The following PBX1 variants were observed in gnomAD, a reference collection of about 807,000 sequenced individuals.
PBX1 encodes the protein pre-B-cell leukemia transcription factor 1.
A neutral mutation model predicts 53.4 loss-of-function variants in PBX1; 6 were observed. The ratio of observed to expected loss-of-function variants is 0.11; its 90% CI spans 0.06 to 0.22. The LOEUF is 0.22. Among genes scored for constraint, PBX1 ranks in the 10% least tolerant of loss-of-function variants. The pLI, the probability that PBX1 is intolerant of heterozygous loss-of-function variation, is 1.00. For synonymous variants in PBX1, 204 were observed against 212.3 expected (o/e 0.96, Z 0.34); for missense variants, 251 against 551.4 (o/e 0.46, Z 5.46).
intron 2 of PBX1, among the ~76,000 whole-genome samples, chr1:164,765,818 C>G (rs1260074172): frequency 1.3e-5 from 2 of 152,100 alleles, no homozygotes; most frequent in African/African-American, 4.8e-5. Flanking sequence ...CACTGTGAGT[C>G]AGATACTCTC....
chr1:164,699,267 C>T (rs935216625), intron 2 of PBX1, among the ~76,000 whole-genome samples: 2 of 152,132 alleles, frequency 1.3e-5, no homozygotes, highest in Admixed American at 1.3e-4. Flanking sequence ...AGATTACTAT[C>T]GAAAATGATG....
chr1:164,784,325 C>T (rs527863897), intron 2 of PBX1, among the ~76,000 whole-genome samples: 4 of 152,312 alleles, frequency 2.6e-5, no homozygotes, highest in East Asian at 1.9e-4. Flanking sequence ...CCCAGGCAGC[C>T]GGCACCCATC....
At position 164,847,648 on chromosome 1, in the gene PBX1, T is replaced by C. The variant is rs1376983142; in HGVS notation, c.*972T>C. On this transcript the variant is annotated 3_prime_UTR_variant, in exon 9 of 9. Coordinates refer to ENST00000420696, the MANE Select transcript of PBX1 (RefSeq NM_002585.4). ...ACACGTTCATGCACATGTAGGCACA[T>C]GTACCATCTCACATCTTCACTTTCC... 2 of 1,060,580 alleles carry C rather than the reference T, an allele frequency of 1.9e-6. No homozygotes were observed. Among genetic ancestry groups the C allele is most frequent in the Admixed American group, 1.1e-4 (2 of 18,580 alleles). 65.7% of individuals were successfully genotyped at this position (1,060,580 alleles called of 1,614,324 possible).
intron 2 of PBX1, among the ~76,000 whole-genome samples, chr1:164,643,474 A>G (rs1298249968): frequency 3.9e-5 from 6 of 152,128 alleles, no homozygotes; most frequent in African/African-American, 1.4e-4. Flanking sequence ...TCCACACAAG[A>G]ACCAGATATG....
chr1:164,885,990 G>A (rs1173353124), intron 2 of PBX1, among the ~76,000 whole-genome samples: 3 of 151,496 alleles, frequency 2.0e-5, no homozygotes, highest in African/African-American at 7.3e-5. Flanking sequence ...CTTTACTGCT[G>A]TATCCCCAGT....
intron 2 of PBX1, among the ~76,000 whole-genome samples, chr1:164,573,840 CAT>C (rs1011317092): frequency 3.5e-4 from 53 of 152,328 alleles, no homozygotes; most frequent in African/African-American, 1.2e-3. Context: ...AATAGCTACA[CAT>C]GAGTAGTATC....
At chr1:164,858,718 G>A (rs1672030254) in intron 2 of PBX1, among the ~76,000 whole-genome samples, 1 of 152,016 alleles carries the variant, frequency 6.6e-6, no homozygotes, top group Admixed American at 6.6e-5. Flanking sequence ...ACACTGGAAG[G>A]GATATTCAGG....
intron 2 of PBX1, among the ~76,000 whole-genome samples, chr1:164,754,487 G>A (rs749380241): frequency 2.6e-5 from 4 of 152,174 alleles, no homozygotes; most frequent in Admixed American, 6.5e-5. Flanking sequence ...ACTGCTTAGC[G>A]GGAGAAAGAG....
At chr1:164,576,476 G>GC (rs1446763419) in intron 2 of PBX1, among the ~76,000 whole-genome samples, 1 of 152,162 alleles carries the variant, frequency 6.6e-6, no homozygotes, top group Non-Finnish European at 1.5e-5. Context: ...CGGGCGTGCG[G>GC]CCCCCCTCAG....
chr1:164,832,637 G>T (rs1394420191), intron 8 of PBX1, among the ~76,000 whole-genome samples: 1 of 151,768 alleles, frequency 6.6e-6, no homozygotes. Context: ...AATATAAATA[G>T]AACTAGAAAA....
intron 2 of PBX1, among the ~76,000 whole-genome samples, chr1:164,622,088 G>T (rs1485659302): frequency 6.6e-6 from 1 of 152,152 alleles, no homozygotes; most frequent in African/African-American, 2.4e-5. Flanking sequence ...ATTGACATTG[G>T]CTGTAATCCT....
chr1:164,632,292 C>T (rs1184173398), intron 2 of PBX1, among the ~76,000 whole-genome samples: 1 of 152,122 alleles, frequency 6.6e-6, no homozygotes, highest in East Asian at 1.9e-4. Context: ...TCATTTAGTG[C>T]CCCTGCTACC....
intron 2 of PBX1, among the ~76,000 whole-genome samples, chr1:164,731,500 T>G (rs1050235625): frequency 6.6e-6 from 1 of 152,076 alleles, no homozygotes; most frequent in African/African-American, 2.4e-5. Flanking sequence ...GCTGCCTAAC[T>G]GGTATTTAAG....
chr1:164,847,398 C>T lies in PBX1; in HGVS notation c.*722C>T. 1.9e-6 allele frequency: 2 copies of T among 1,064,534 alleles called. No homozygotes were observed. Among genetic ancestry groups the T allele is most frequent in the Non-Finnish European group, 1.1e-6 (1 of 878,794 alleles). 65.9% of individuals were successfully genotyped at this position (1,064,534 alleles called of 1,614,324 possible). A position where few individuals can be genotyped will look rare whatever the true frequency, so the allele number is the denominator to read the frequency against. Reference sequence around the variant, plus strand: ...CAGGAAGTCAGGCAGCAGGGAAGGACACGGGAACAGCAGGTGGAGAATTCC... The same window carrying T: ...CAGGAAGTCAGGCAGCAGGGAAGGATACGGGAACAGCAGGTGGAGAATTCC... On this transcript the variant is annotated 3_prime_UTR_variant, in exon 9 of 9. Transcript: ENST00000420696.
At chr1:164,836,014 A>C (rs555811968) in intron 8 of PBX1, among the ~76,000 whole-genome samples, 7 of 152,290 alleles carry the variant, frequency 4.6e-5, no homozygotes, top group Non-Finnish European at 1.0e-4. Context: ...GATCTGCCCT[A>C]GGCCTAGTAT....
chr1:164,637,478 G>GCTAA (rs1658852095), intron 2 of PBX1, among the ~76,000 whole-genome samples: 1 of 152,206 alleles, frequency 6.6e-6, no homozygotes, highest in Non-Finnish European at 1.5e-5. Flanking sequence ...CTACTGGGAT[G>GCTAA]CTAACTTCCT....
intron 2 of PBX1, among the ~76,000 whole-genome samples, chr1:164,616,178 G>GC (rs1201435572): frequency 6.6e-6 from 1 of 152,110 alleles, no homozygotes; most frequent in African/African-American, 2.4e-5. Flanking sequence ...GGTTCTTCAT[G>GC]CCCGGGGATG....
chr1:164,600,895 G>T (rs1365587226), intron 2 of PBX1, among the ~76,000 whole-genome samples: 1 of 152,128 alleles, frequency 6.6e-6, no homozygotes, highest in Non-Finnish European at 1.5e-5. Context: ...TCATACCTGA[G>T]GAATGGCTTG....
chr1:164,564,223 G>T (rs1349484128), intron 2 of PBX1, among the ~76,000 whole-genome samples: 2 of 152,064 alleles, frequency 1.3e-5, no homozygotes, highest in South Asian at 4.1e-4. Context: ...TGACTTACCC[G>T]CTCGCTTTAG....
Sources: allele counts gnomAD v4.1 joint callset (sites outside exome capture counted in the v4.1 genomes callset), GRCh38; gene constraint gnomAD v4.1.1; transcripts MANE v1.5; gene names NCBI Gene and HGNC (gene_info 2026-07-23, HGNC 2026-07-21).